The following IGSF5 variants were observed in gnomAD, a reference collection of about 807,000 sequenced individuals.
IGSF5 encodes the protein immunoglobulin superfamily member 5, also known as immunoglobulin superfamily 5 like.
IGSF5 carries 41 observed loss-of-function variants against 39.4 expected under a neutral mutation model. The observed-to-expected ratio is 1.04, with a 90% confidence interval of 0.81 to 1.35. IGSF5 has a LOEUF of 1.35. IGSF5 is among the 40% of genes most tolerant of loss of function. The pLI is 0.00. For synonymous variants in IGSF5, 183 were observed against 175.3 expected (o/e 1.04, Z -0.34); for missense variants, 487 against 494.6 (o/e 0.98, Z 0.15).
intron 1 of IGSF5, among the ~76,000 whole-genome samples, chr21:39,745,796 C>T (rs1193887401): frequency 1.3e-5 from 2 of 152,230 alleles, no homozygotes; most frequent in South Asian, 2.1e-4. Context: ...TTTAACTGGC[C>T]GACAGGTGTC....
chr21:39,749,296 T>G (rs2079992884), intron 2 of IGSF5, among the ~76,000 whole-genome samples: 1 of 149,752 alleles, frequency 6.7e-6, no homozygotes, highest in Non-Finnish European at 1.5e-5. Context: ...CACTGCAACC[T>G]CCGCCTCCTG....
chr21:39,721,267 G>A, the IGSF5 span, among the ~76,000 whole-genome samples: 6 of 152,050 alleles, frequency 3.9e-5, no homozygotes, highest in African/African-American at 9.7e-5. Context: ...GTTTAGTCCC[G>A]GTAAAGTGAG....
intron 2 of IGSF5, among the ~76,000 whole-genome samples, chr21:39,761,010 A>T (rs909848508): frequency 2.6e-5 from 4 of 152,220 alleles, no homozygotes; most frequent in Admixed American, 2.6e-4. Flanking sequence ...AGCCTATACA[A>T]CAAGGCTACA....
the IGSF5 span, among the ~76,000 whole-genome samples, chr21:39,726,777 A>C: frequency 6.6e-6 from 1 of 152,150 alleles, no homozygotes; most frequent in Non-Finnish European, 1.5e-5. Flanking sequence ...CCCCTACCTG[A>C]GGGCCTCCAG....
intron 4 of IGSF5, among the ~76,000 whole-genome samples, chr21:39,778,233 G>A (rs989927243): frequency 1.3e-5 from 2 of 152,196 alleles, no homozygotes; most frequent in South Asian, 2.1e-4. Context: ...TGTGGTGACT[G>A]AGCACTTGAA....
At chr21:39,732,385 C>T in the IGSF5 span, among the ~76,000 whole-genome samples, 4 of 152,332 alleles carry the variant, frequency 2.6e-5, no homozygotes, top group African/African-American at 7.2e-5. Flanking sequence ...GACAATGTGA[C>T]ATTCCTATCC....
rs111732701 is a variant in IGSF5, at chr21:39,745,317, T to C, written c.-193T>C. 18,665 of 501,712 alleles carry C rather than the reference T, an allele frequency of 0.037. 2,777 individuals are homozygous for C. Among genetic ancestry groups the C allele is most frequent in the African/African-American group, 0.33 (16,625 of 50,942 alleles). 31.1% of individuals were successfully genotyped at this position (501,712 alleles called of 1,614,324 possible). A position where few individuals can be genotyped will look rare whatever the true frequency, so the allele number is the denominator to read the frequency against. Reference sequence around the variant, plus strand: ...GAGGGACGCCAGGGATAAGACTCCCTGGGCTATAGCCTAGGTGCCTGAGGA... The same window carrying C: ...GAGGGACGCCAGGGATAAGACTCCCCGGGCTATAGCCTAGGTGCCTGAGGA... On this transcript the variant is annotated 5_prime_UTR_variant, in exon 1 of 9. Transcript: ENST00000380588.
At chr21:39,746,932 G>T (rs943610917) in intron 2 of IGSF5, among the ~76,000 whole-genome samples, 4 of 152,212 alleles carry the variant, frequency 2.6e-5, no homozygotes, top group Non-Finnish European at 5.9e-5. Context: ...TGCTGGTGAG[G>T]GTCTAGGGCT....
chr21:39,773,802 A>C (rs571774872), intron 4 of IGSF5, among the ~76,000 whole-genome samples: 1 of 152,374 alleles, frequency 6.6e-6, no homozygotes, highest in South Asian at 2.1e-4. Context: ...ATTTTAAAAA[A>C]ATCCATTAGC....
the IGSF5 span, among the ~76,000 whole-genome samples, chr21:39,727,433 T>G: frequency 6.6e-6 from 1 of 152,234 alleles, no homozygotes; most frequent in East Asian, 1.9e-4. Context: ...CTGAGGAGAT[T>G]GTCGGTGGCT....
the IGSF5 span, among the ~76,000 whole-genome samples, chr21:39,739,111 G>A: frequency 2.0e-5 from 3 of 151,998 alleles, no homozygotes; most frequent in Admixed American, 2.0e-4. Context: ...TGTATTTTTG[G>A]TAGAGACGGG....
At chr21:39,731,989 T>C in the IGSF5 span, among the ~76,000 whole-genome samples, 1 of 152,346 alleles carries the variant, frequency 6.6e-6, no homozygotes, top group East Asian at 1.9e-4. Context: ...GCTCCCGGAA[T>C]CCAGCAGCCA....
chr21:39,742,679 G>A (rs369611270), upstream of IGSF5, among the ~76,000 whole-genome samples: 20 of 152,230 alleles, frequency 1.3e-4, no homozygotes, highest in South Asian at 8.3e-4. Flanking sequence ...CTTGTAGACC[G>A]CACTGGAAGT....
the IGSF5 span, among the ~76,000 whole-genome samples, chr21:39,715,163 G>C: frequency 1.6e-4 from 24 of 151,376 alleles, no homozygotes; most frequent in African/African-American, 5.8e-4. Context: ...TGTCACCCAG[G>C]CTGGAATGCA....
At chr21:39,788,109 C>T in intron 5 of IGSF5, 58 bp from the exon 6 acceptor site, 1 of 1,365,570 alleles carries the variant, frequency 7.3e-7, no homozygotes, top group Non-Finnish European at 1.0e-6. Flanking sequence ...ATTAATGAGA[C>T]TCGATTTTTA....
intron 5 of IGSF5, among the ~76,000 whole-genome samples, chr21:39,782,316 T>C (rs1473269942): frequency 6.6e-6 from 1 of 152,266 alleles, no homozygotes; most frequent in Non-Finnish European, 1.5e-5. Context: ...TAGTTTTGCA[T>C]GTTTATTGTT....
At position 39,788,242 on chromosome 21, in the gene IGSF5, A is replaced by G. The variant is rs2086936121; in HGVS notation, c.956+54A>G. ...AAAACAAAACAAAAAAAATTGAACAACAACAATAATAACAACAATACGTAC... is the reference window on the plus strand; with the variant it reads ...AAAACAAAACAAAAAAAATTGAACAGCAACAATAATAACAACAATACGTAC... On this transcript the variant is annotated intron_variant, in intron 6 of 8. Transcript: ENST00000380588. 3.0e-6 allele frequency: 4 copies of G among 1,315,506 alleles called. No individual in the cohort carries two copies. The South Asian group carries it at 3.7e-5, about 12-fold the overall frequency. The allele number at this position is 1,315,506 out of a possible 1,614,324, so 81.5% of individuals were successfully genotyped here.
intron 6 of IGSF5, 38 bp downstream of exon 6, chr21:39,788,226 C>A (rs1480223948): frequency 6.8e-6 from 10 of 1,465,532 alleles, no homozygotes; most frequent in Middle Eastern, 1.8e-4. Flanking sequence ...GAAAACAAAA[C>A]AAAAAAAATT....
At chr21:39,769,467 C>CAAAAAAAAAAAAAAAAAA (rs34427585) in intron 3 of IGSF5, among the ~76,000 whole-genome samples, 1 of 79,846 alleles carries the variant, frequency 1.3e-5, no homozygotes, top group Non-Finnish European at 2.4e-5. Context: ...AAGTCTGTCT[C>CAAAAAAAAAAAAAAAAAA]AAAAAAAAAA....
Sources: gnomAD v4.1 joint callset for allele counts (sites outside exome capture counted in the v4.1 genomes callset) on GRCh38, gnomAD v4.1.1 for gene constraint, MANE v1.5 for transcripts, NCBI Gene and HGNC (gene_info 2026-07-23, HGNC 2026-07-21) for gene names.